NRXN3: variants seen among roughly 807,000 people sequenced by gnomAD.
NRXN3 encodes the protein neurexin III.
In NRXN3, 32 loss-of-function variants were observed where a neutral mutation model predicts 137.6. That is an observed-to-expected ratio of 0.23 (90% CI 0.18 to 0.31). The LOEUF is 0.31. Ranked by LOEUF, NRXN3 falls within the 10% of genes least tolerant of loss-of-function variation. The probability of loss-of-function intolerance (pLI) is 1.00; values close to 1 mark genes in which losing one functional copy is unlikely to be tolerated. For synonymous variants in NRXN3, 798 were observed against 784.5 expected (o/e 1.02, Z -0.29); for missense variants, 1,574 against 2,062.5 (o/e 0.76, Z 4.59).
chr14:79,767,969 G>A (rs1350288203), intron 19 of NRXN3, among the ~76,000 whole-genome samples: 2 of 152,250 alleles, frequency 1.3e-5, no homozygotes, highest in Admixed American at 6.5e-5. Flanking sequence ...GGAAGCGCAA[G>A]GGGTCAGGGA....
chr14:79,415,929 C>T (rs946648557), intron 15 of NRXN3, among the ~76,000 whole-genome samples: 1 of 152,092 alleles, frequency 6.6e-6, no homozygotes, highest in African/African-American at 2.4e-5. Context: ...CTTGGTGACT[C>T]ATATACATGT....
intron 10 of NRXN3, among the ~76,000 whole-genome samples, chr14:78,873,478 A>G (rs1038906763): frequency 6.6e-5 from 10 of 152,212 alleles, no homozygotes; most frequent in African/African-American, 2.4e-4. Context: ...TCATAAAAAT[A>G]AAAATAGCAG....
intron 15 of NRXN3, among the ~76,000 whole-genome samples, chr14:79,325,782 A>G (rs887005477): frequency 6.6e-6 from 1 of 152,178 alleles, no homozygotes; most frequent in African/African-American, 2.4e-5. Context: ...CTTAGATGAG[A>G]CACCTTGTAT....
chr14:79,809,683 T>G (rs575417712), intron 20 of NRXN3, among the ~76,000 whole-genome samples: 1 of 152,356 alleles, frequency 6.6e-6, no homozygotes, highest in African/African-American at 2.4e-5. Context: ...ACTCGATTTG[T>G]AAATGTTAAT....
intron 15 of NRXN3, among the ~76,000 whole-genome samples, chr14:79,194,196 C>T (rs2064820997): frequency 6.6e-6 from 1 of 152,182 alleles, no homozygotes; most frequent in South Asian, 2.1e-4. Context: ...ATTACATTTT[C>T]CCAGGATTCC....
chr14:79,688,951 C>T (rs2098705740), intron 17 of NRXN3, among the ~76,000 whole-genome samples: 1 of 152,062 alleles, frequency 6.6e-6, no homozygotes, highest in African/African-American at 2.4e-5. Flanking sequence ...AACCCAGTCC[C>T]ATATAGGTGT....
intron 15 of NRXN3, among the ~76,000 whole-genome samples, chr14:79,324,330 A>G (rs1221656734): frequency 1.3e-5 from 2 of 152,262 alleles, no homozygotes; most frequent in African/African-American, 4.8e-5. Context: ...ACAGACTTTT[A>G]CACTCATTTT....
intron 6 of NRXN3, among the ~76,000 whole-genome samples, chr14:78,657,153 T>C (rs113755967): frequency 5.3e-5 from 8 of 151,874 alleles, no homozygotes; most frequent in Non-Finnish European, 1.0e-4. Flanking sequence ...AGACAACTGC[T>C]TCCTTCTGAC....
intron 20 of NRXN3, among the ~76,000 whole-genome samples, chr14:79,834,587 A>G (rs892272400): frequency 4.6e-5 from 7 of 152,190 alleles, no homozygotes; most frequent in Non-Finnish European, 7.4e-5. Flanking sequence ...GTTTGATTCT[A>G]GTAAACCATA....
chr14:79,298,352 TG>T lies in NRXN3; in HGVS notation c.3263-168868del, dbSNP rs141479872. 1.5e-3 allele frequency among the ~76,000 whole-genome samples: 224 copies of T among 152,182 alleles called. 2 individuals carry two copies. The highest frequency in any genetic ancestry group is 2.7e-3 in the Admixed American group (41 of 15,268). On this transcript the variant is annotated intron_variant, in intron 15 of 20. Transcript: ENST00000335750. ...TAATTCCAGTTATTCAAATTTGTGT[TG>T]AAAGCAAATCCTTTCACTGCTTATT... is the stretch of plus-strand genomic sequence containing the variant.
intron 15 of NRXN3, among the ~76,000 whole-genome samples, chr14:79,072,888 T>C (rs1445979263): frequency 1.3e-4 from 19 of 147,886 alleles, no homozygotes; most frequent in African/African-American, 3.2e-4. Context: ...CTCTCTCTCT[T>C]TTTTTTTTTT....
intron 15 of NRXN3, among the ~76,000 whole-genome samples, chr14:79,417,819 C>A (rs1016318369): frequency 1.3e-5 from 2 of 152,136 alleles, no homozygotes; most frequent in African/African-American, 4.8e-5. Context: ...AAAACACATA[C>A]TTCCAGCTCT....
At chr14:78,446,661 G>A (rs1464775805) in intron 4 of NRXN3, among the ~76,000 whole-genome samples, 3 of 152,228 alleles carry the variant, frequency 2.0e-5, no homozygotes, top group Non-Finnish European at 4.4e-5. Flanking sequence ...AACTTGGTTA[G>A]TTGGAGATAG....
chr14:78,295,735 A>G (rs535271244), intron 3 of NRXN3, among the ~76,000 whole-genome samples: 2 of 152,294 alleles, frequency 1.3e-5, no homozygotes, highest in South Asian at 2.1e-4. Context: ...TTTAATAACC[A>G]TCTCCAGGTG....
intron 10 of NRXN3, among the ~76,000 whole-genome samples, chr14:78,847,849 T>C (rs1380339289): frequency 6.6e-6 from 1 of 152,070 alleles, no homozygotes; most frequent in Non-Finnish European, 1.5e-5. Context: ...GGCACATCTA[T>C]ATACACTTTT....
chr14:78,239,306 C>G (rs967434120), intron 1 of NRXN3, among the ~76,000 whole-genome samples: 1 of 152,200 alleles, frequency 6.6e-6, no homozygotes, highest in Non-Finnish European at 1.5e-5. Flanking sequence ...ACTTGTCCCC[C>G]ACTAGTTTGT....
intron 19 of NRXN3, among the ~76,000 whole-genome samples, chr14:79,705,977 G>A (rs1040173406): frequency 2.0e-5 from 3 of 150,506 alleles, no homozygotes; most frequent in South Asian, 4.2e-4. Flanking sequence ...TTGGTTGAAA[G>A]GTATAAATAG....
chr14:79,243,044 A>G (rs1348323161), intron 15 of NRXN3, among the ~76,000 whole-genome samples: 1 of 152,172 alleles, frequency 6.6e-6, no homozygotes, highest in Non-Finnish European at 1.5e-5. Flanking sequence ...TGGCCTTTCC[A>G]CCTAGAAGTT....
At chr14:78,364,140 T>C (rs1413687821) in intron 4 of NRXN3, among the ~76,000 whole-genome samples, 1 of 152,220 alleles carries the variant, frequency 6.6e-6, no homozygotes, top group Admixed American at 6.5e-5. Context: ...AGATAGGCTT[T>C]TATTTCTTTT....
Sources: allele counts gnomAD v4.1 joint callset (sites outside exome capture counted in the v4.1 genomes callset), GRCh38; gene constraint gnomAD v4.1.1; transcripts MANE v1.5; gene names NCBI Gene and HGNC (gene_info 2026-07-23, HGNC 2026-07-21).